The following STRAP variants were observed in gnomAD, a reference collection of about 807,000 sequenced individuals.
STRAP encodes serine/threonine kinase receptor associated protein.
In STRAP, 16 loss-of-function variants were observed where a neutral mutation model predicts 47.0. That is an observed-to-expected ratio of 0.34 (90% CI 0.23 to 0.52). The LOEUF is 0.52. STRAP is among the 20% of genes least tolerant of loss of function. STRAP has a pLI of 0.96. For missense variants in STRAP, 293 were observed against 420.0 expected (o/e 0.70, Z 2.64); for synonymous variants, 130 against 142.7 (o/e 0.91, Z 0.63).
intron 7 of STRAP, among the ~76,000 whole-genome samples, chr12:15,899,019 T>C (rs1267201416): frequency 1.3e-5 from 2 of 152,262 alleles, no homozygotes; most frequent in African/African-American, 4.8e-5. Context: ...GATATTCTTT[T>C]CTGTTACTTT....
At chr12:15,888,046 G>C (rs920613773) in intron 2 of STRAP, among the ~76,000 whole-genome samples, 5 of 152,150 alleles carry the variant, frequency 3.3e-5, no homozygotes, top group Non-Finnish European at 5.9e-5. Context: ...ATTTCACTGT[G>C]ATTAAGGATA....
chr12:15,895,746 G>C (rs991157743), intron 6 of STRAP, among the ~76,000 whole-genome samples: 6 of 149,766 alleles, frequency 4.0e-5, no homozygotes, highest in African/African-American at 1.2e-4. Flanking sequence ...CTGTAGTCCA[G>C]CTGCTTGGGA....
chr12:15,889,342 G>A (rs919599781), intron 2 of STRAP, among the ~76,000 whole-genome samples: 2 of 152,132 alleles, frequency 1.3e-5, no homozygotes, highest in African/African-American at 4.8e-5. Context: ...TTTGGGGGAA[G>A]TTAACTGTAC....
In STRAP at chr12:15,901,028, T is replaced by C. The variant is rs772152175; in HGVS notation, c.991+16T>C. ...GAGGAGCTAGGTAAATGCTATGGAA[T>C]TGACTTTTGTAAGAGTCTTGGGGGA... On this transcript the variant is annotated intron_variant, in intron 9 of 9. Coordinates refer to ENST00000419869, the MANE Select transcript of STRAP (RefSeq NM_007178.4). 3.8e-6 allele frequency: 6 copies of C among 1,572,094 alleles called. No homozygotes were observed. In the Admixed American group the frequency reaches 9.3e-5, roughly 24 times the overall value.
At chr12:15,902,422 G>T (rs776430430) in intron 9 of STRAP, among the ~76,000 whole-genome samples, 7 of 152,110 alleles carry the variant, frequency 4.6e-5, no homozygotes, top group Non-Finnish European at 7.4e-5. Context: ...TGAGAAACTG[G>T]GTATGATGAT....
chr12:15,888,686 C>T (rs1326635162), intron 2 of STRAP, among the ~76,000 whole-genome samples: 1 of 152,070 alleles, frequency 6.6e-6, no homozygotes, highest in South Asian at 2.1e-4. Flanking sequence ...CTGTTACTTA[C>T]ATTTTCTGGA....
intron 1 of STRAP, 40 bp downstream of exon 1, chr12:15,882,859 T>TG: frequency 6.3e-7 from 1 of 1,581,002 alleles, no homozygotes; most frequent in Non-Finnish European, 8.6e-7. Context: ...CGGCTGGGAC[T>TG]GGGCTGAAAG....
rs550639662 is a variant in STRAP at position 15,886,011 on chromosome 12, C to A, written c.248+2335C>A. Among the ~76,000 whole-genome samples the A allele has an allele frequency of 3.9e-5, 6 of 152,136 alleles. No homozygotes were observed. The South Asian group carries it at 1.2e-3, about 32-fold the overall frequency. ...CTAAAGCCTTCAAACTATTTGGCCT[C>A]ATATAAGGAAGATTGAATAGATTTA... is the stretch of plus-strand genomic sequence containing the variant. On this transcript the variant is annotated intron_variant, in intron 2 of 9. Transcript: ENST00000419869.
intron 1 of STRAP, 44 bp from the exon 2 acceptor site, chr12:15,883,497 T>C (rs1461527919): frequency 1.9e-6 from 3 of 1,568,212 alleles, no homozygotes; most frequent in Non-Finnish European, 2.6e-6. Context: ...AGACTTTAAG[T>C]AATCTGAACT....
chr12:15,890,622 G>A lies in STRAP; in HGVS notation c.356G>A (p.Gly119Glu). Residue 119 changes from glycine (G) to glutamate (E), a missense_variant, in exon 4 of 10, where the codon GGA becomes GAA. Physicochemically the swap from Gly to Glu is moderately conservative, Grantham distance 98. Coordinates refer to ENST00000419869, the MANE Select transcript of STRAP (RefSeq NM_007178.4). The surrounding 1 kb of genome is among the most constrained non-coding windows in gnomAD (Gnocchi z 4.5). ...GATAGTAATTATTTGTTAACCGGGG[G>A]ACAGGATAAACTGTTACGCATATAT... is the stretch of plus-strand genomic sequence containing the variant. ...TQDSNYLLTG[G>E]QDKLLRIYDL... is the part of the protein sequence containing the mutation. The A allele has an allele frequency of 6.2e-7, 1 of 1,611,120 alleles. No individual in the cohort carries two copies. Among genetic ancestry groups the A allele is most frequent in the East Asian group, 2.2e-5 (1 of 44,586 alleles).
At chr12:15,889,479 A>G (rs1338660457) in intron 2 of STRAP, among the ~76,000 whole-genome samples, 2 of 152,044 alleles carry the variant, frequency 1.3e-5, no homozygotes, top group Admixed American at 1.3e-4. Context: ...ATTTTTAAGG[A>G]TTTCTGGTTT....
chr12:15,903,281 T>G lies in STRAP; in HGVS notation c.*303T>G, dbSNP rs1000305573. 1.8e-5 allele frequency: 4 copies of G among 221,840 alleles called. No homozygotes were observed. The highest frequency in any genetic ancestry group is 9.1e-5 in the African/African-American group (4 of 44,158). The allele number at this position is 221,840 out of a possible 1,614,324, so 13.7% of individuals were successfully genotyped here. A position where few individuals can be genotyped will look rare whatever the true frequency, so the allele number is the denominator to read the frequency against. ...TACAATTAGGGTTCTTGTAGCTGTTTATGTTAATATGGAGAAGAAAACTAT... is the reference window on the plus strand; with the variant it reads ...TACAATTAGGGTTCTTGTAGCTGTTGATGTTAATATGGAGAAGAAAACTAT... On this transcript the variant is annotated 3_prime_UTR_variant, in exon 10 of 10. Transcript: ENST00000419869.
intron 1 of STRAP, 98 bp from the exon 2 acceptor site, chr12:15,883,443 C>T (rs1947941332): frequency 7.3e-7 from 1 of 1,362,450 alleles, no homozygotes; most frequent in African/African-American, 1.5e-5. Flanking sequence ...AACAATTTTT[C>T]CACTTTGTCA....
In STRAP at chr12:15,899,347, C is replaced by T. The variant is rs375287864; in HGVS notation, c.776-557C>T. ...GTACTACTTGAATATAACAGTGCTC[C>T]TAATCTATACATTTTCTCATTAGGT... On this transcript the variant is annotated intron_variant, in intron 7 of 9. Coordinates refer to ENST00000419869, the MANE Select transcript of STRAP (RefSeq NM_007178.4). Among the ~76,000 whole-genome samples the T allele has an allele frequency of 2.6e-5, 4 of 152,252 alleles. No individual in the cohort carries two copies. The East Asian group carries it at 7.7e-4, about 29-fold the overall frequency.
At chr12:15,897,373 A>G (rs1474422327) in intron 6 of STRAP, among the ~76,000 whole-genome samples, 1 of 152,202 alleles carries the variant, frequency 6.6e-6, no homozygotes, top group African/African-American at 2.4e-5. Context: ...CTTATAGTAG[A>G]AACTGTTTTC....
At chr12:15,895,528 T>C (rs751964695) in intron 6 of STRAP, 32 bp downstream of exon 6, 12 of 1,575,256 alleles carry the variant, frequency 7.6e-6, no homozygotes, top group Non-Finnish European at 1.0e-5. Flanking sequence ...ATTTTCTTTT[T>C]TAGGTAACAA....
In STRAP at chr12:15,883,099, G is replaced by C; in HGVS notation, c.112+280G>C. 8 of 1,535,624 alleles carry C rather than the reference G, an allele frequency of 5.2e-6. No homozygotes were observed. The South Asian group carries it at 9.5e-5, about 18-fold the overall frequency. ...TTTTTGAAGGAGCTGGTCAGCATTTGCCTAGACTCTCGGGACAACACGGTA... is the reference window on the plus strand; with the variant it reads ...TTTTTGAAGGAGCTGGTCAGCATTTCCCTAGACTCTCGGGACAACACGGTA... On this transcript the variant is annotated intron_variant, in intron 1 of 9. Coordinates refer to ENST00000419869, the MANE Select transcript of STRAP (RefSeq NM_007178.4).
rs888097488 is a variant in STRAP, at chr12:15,896,483, A to G, written c.638+987A>G. On this transcript the variant is annotated intron_variant, in intron 6 of 9. Transcript: ENST00000419869. The surrounding 1 kb of genome is among the most constrained non-coding windows in gnomAD (Gnocchi z 4.1). ...CCATAGGTGCAAGAGTGATAATGGT[A>G]GTTATATTTTCTGCTAGTCCATTTT... Among the ~76,000 whole-genome samples the G allele has an allele frequency of 6.6e-5, 10 of 152,062 alleles. No homozygotes were observed. Among genetic ancestry groups the G allele is most frequent in the African/African-American group, 2.2e-4 (9 of 41,428 alleles).
rs61756202 is a variant in STRAP at position 15,900,058 on chromosome 12, G to T, written c.925+5G>T. 807 of 1,602,958 alleles carry T rather than the reference G, an allele frequency of 5.0e-4. 3 individuals carry two copies. In the African/African-American group the frequency reaches 9.3e-3, roughly 18 times the overall value. On this transcript the variant is annotated splice_donor_5th_base_variant and intron_variant, in intron 8 of 9. Coordinates refer to ENST00000419869, the MANE Select transcript of STRAP (RefSeq NM_007178.4). Reference sequence around the variant, plus strand: ...TTTGGAAATGTGTGCTTCCTGGTAAGAATTTTTATTCAGAATAATAAAATT... The same window carrying T: ...TTTGGAAATGTGTGCTTCCTGGTAATAATTTTTATTCAGAATAATAAAATT...
Sources: gnomAD v4.1 joint callset for allele counts (sites outside exome capture counted in the v4.1 genomes callset) on GRCh38, gnomAD v4.1.1 for gene constraint, Gnocchi (gnomAD v3.1) non-coding constraint, MANE v1.5 for transcripts, NCBI Gene and HGNC (gene_info 2026-07-23, HGNC 2026-07-21) for gene names.